Variants in DSCAML1 observed in about 807,000 individuals in gnomAD.
The protein encoded by DSCAML1 is cell adhesion molecule DSCAML1.
Under a neutral mutation model 200.5 loss-of-function variants are expected in DSCAML1, and 38 were observed. That is an observed-to-expected ratio of 0.19 (90% CI 0.15 to 0.25). The LOEUF is 0.25. Among genes scored for constraint, DSCAML1 ranks in the 10% least tolerant of loss-of-function variants. The probability of loss-of-function intolerance (pLI) is 1.00; values close to 1 mark genes in which losing one functional copy is unlikely to be tolerated. For missense variants in DSCAML1, 2,223 were observed against 2,858.8 expected (o/e 0.78, Z 5.07); for synonymous variants, 1,215 against 1,165.0 (o/e 1.04, Z -0.87).
intron 32 of DSCAML1, among the ~76,000 whole-genome samples, chr11:117,429,316 C>A (rs2047735134): frequency 6.6e-6 from 1 of 152,252 alleles, no homozygotes; most frequent in Non-Finnish European, 1.5e-5. Flanking sequence ...GCGTTCCCCT[C>A]TTTCCCATGG....
chr11:117,551,109 A>G (rs542322), intron 3 of DSCAML1, among the ~76,000 whole-genome samples: 100,099 of 152,066 alleles, frequency 0.66, 33,245 homozygotes, highest in East Asian at 0.84. Flanking sequence ...TCTAATTAAC[A>G]TTTTGGGTTG....
At chr11:117,521,500 G>A in intron 5 of DSCAML1, 95 bp from the exon 6 acceptor site, 3 of 1,388,224 alleles carry the variant, frequency 2.2e-6, no homozygotes, top group Admixed American at 4.2e-5. Context: ...GGGTAGTTAG[G>A]GGTCACAAAA....
At chr11:117,804,421 A>G (rs765601322) in intron 1 of DSCAML1, among the ~76,000 whole-genome samples, 1 of 152,228 alleles carries the variant, frequency 6.6e-6, no homozygotes, top group Non-Finnish European at 1.5e-5. Flanking sequence ...AGTCATGTAC[A>G]CATGCTTTTC....
At chr11:117,815,057 T>A (rs898030761) in intron 1 of DSCAML1, among the ~76,000 whole-genome samples, 1 of 152,188 alleles carries the variant, frequency 6.6e-6, no homozygotes, top group African/African-American at 2.4e-5. Flanking sequence ...CAGCCTCATC[T>A]CCTTTGCTTT....
chr11:117,461,710 G>A, intron 17 of DSCAML1, 114 bp from the exon 18 acceptor site: 1 of 963,436 alleles, frequency 1.0e-6, no homozygotes, highest in Non-Finnish European at 1.5e-6. Context: ...CGTCCAGTTA[G>A]ACAAGTGGGG....
chr11:117,566,650 C>T (rs1048824353), intron 3 of DSCAML1, among the ~76,000 whole-genome samples: 6 of 151,266 alleles, frequency 4.0e-5, no homozygotes, highest in East Asian at 3.9e-4. Flanking sequence ...CATATGTATA[C>T]ATGTGCCATG....
At chr11:117,438,635 C>G (rs1287002399) in intron 24 of DSCAML1, among the ~76,000 whole-genome samples, 1 of 152,184 alleles carries the variant, frequency 6.6e-6, no homozygotes, top group African/African-American at 2.4e-5. Context: ...AACCCAGACT[C>G]AGAGAGGGAA....
intron 3 of DSCAML1, among the ~76,000 whole-genome samples, chr11:117,636,544 A>T (rs960862127): frequency 1.3e-5 from 2 of 152,174 alleles, no homozygotes; most frequent in Non-Finnish European, 2.9e-5. Context: ...CATGCCCCAC[A>T]GACACCACCT....
intron 3 of DSCAML1, chr11:117,668,763 A>C (rs947926): frequency 0.29 from 43,587 of 152,176 alleles, 7,946 homozygotes; most frequent in Non-Finnish European, 0.39. Flanking sequence ...TGCTTCAAAG[A>C]GTGGGGAGTA....
chr11:117,528,085 C>T (rs938986444), intron 4 of DSCAML1, among the ~76,000 whole-genome samples: 7 of 152,202 alleles, frequency 4.6e-5, no homozygotes, highest in African/African-American at 7.2e-5. Flanking sequence ...GCTTTAGACG[C>T]TCAATCCAGC....
intron 3 of DSCAML1, among the ~76,000 whole-genome samples, chr11:117,600,123 A>C (rs1172533092): frequency 2.0e-5 from 3 of 152,212 alleles, no homozygotes; most frequent in Admixed American, 2.0e-4. Context: ...ATGTAAACAC[A>C]TGTAGAAAAG....
chr11:117,539,523 G>T (rs1382888040), intron 3 of DSCAML1, among the ~76,000 whole-genome samples: 1 of 147,250 alleles, frequency 6.8e-6, no homozygotes, highest in Non-Finnish European at 1.5e-5. Flanking sequence ...CAGGAGAATC[G>T]CTTGAACCCG....
At chr11:117,731,311 CA>C (rs1430458888) in intron 3 of DSCAML1, among the ~76,000 whole-genome samples, 1 of 152,098 alleles carries the variant, frequency 6.6e-6, no homozygotes, top group African/African-American at 2.4e-5. Flanking sequence ...GTTATGACGC[CA>C]GAACAGGGGA....
At chr11:117,621,053 C>T (rs943747802) in intron 3 of DSCAML1, among the ~76,000 whole-genome samples, 1 of 152,200 alleles carries the variant, frequency 6.6e-6, no homozygotes, top group Non-Finnish European at 1.5e-5. Flanking sequence ...GTCTTCATTT[C>T]AGCTAAATGG....
intron 3 of DSCAML1, among the ~76,000 whole-genome samples, chr11:117,721,129 G>A (rs968697821): frequency 6.6e-6 from 1 of 152,228 alleles, no homozygotes; most frequent in Non-Finnish European, 1.5e-5. Context: ...TTCAGATGCT[G>A]AAGTTAATCA....
At chr11:117,629,254 G>A (rs2052120224) in intron 3 of DSCAML1, among the ~76,000 whole-genome samples, 1 of 152,182 alleles carries the variant, frequency 6.6e-6, no homozygotes, top group Non-Finnish European at 1.5e-5. Context: ...AGGCTGAAGC[G>A]GGGAGGTACA....
chr11:117,451,141 G>A (rs556959969), intron 19 of DSCAML1, among the ~76,000 whole-genome samples: 233 of 152,222 alleles, frequency 1.5e-3, no homozygotes, highest in Non-Finnish European at 2.7e-3. Context: ...TTTCTGGCAT[G>A]AGCCCAGGGC....
chr11:117,561,395 C>A (rs750263174), intron 3 of DSCAML1, among the ~76,000 whole-genome samples: 1 of 152,198 alleles, frequency 6.6e-6, no homozygotes, highest in Admixed American at 6.5e-5. Flanking sequence ...ACTCTTCAGA[C>A]CTCGCTCTGT....
chr11:117,625,456 A>T (rs542187977), intron 3 of DSCAML1, among the ~76,000 whole-genome samples: 1 of 152,286 alleles, frequency 6.6e-6, no homozygotes, highest in Non-Finnish European at 1.5e-5. Flanking sequence ...TGACAGCCTG[A>T]CGCAGGGGAG....
Sources: gnomAD v4.1 joint callset for allele counts (sites outside exome capture counted in the v4.1 genomes callset) on GRCh38, gnomAD v4.1.1 for gene constraint, MANE v1.5 for transcripts, NCBI Gene and HGNC (gene_info 2026-07-23, HGNC 2026-07-21) for gene names.